PLEC: variants seen among roughly 807,000 people sequenced by gnomAD.
PLEC encodes plectin, also known as hemidesmosomal protein 1.
In PLEC, 216 loss-of-function variants were observed where a neutral mutation model predicts 392.8. That is an observed-to-expected ratio of 0.55 (90% CI 0.49 to 0.62). The LOEUF is 0.62. PLEC is among the 20% of genes least tolerant of loss of function. PLEC has a pLI of 0.00. For synonymous variants in PLEC, 3,621 were observed against 2,980.6 expected, an observed-to-expected ratio of 1.21 and a Z score of -7.00; for missense variants, 6,863 against 6,563.4, an observed-to-expected ratio of 1.05 and a Z score of -1.58.
upstream of PLEC, among the ~76,000 whole-genome samples, chr8:143,974,132 C>T (rs1458925738): frequency 6.6e-6 from 1 of 152,210 alleles, no homozygotes; most frequent in Non-Finnish European, 1.5e-5. This position sits in a 1 kb window ranked among gnomAD's most constrained non-coding sequence, Gnocchi z 5.9. Context: ...AAGCTTAATG[C>T]CATATGTCCT....
chr8:143,927,706 G>C lies in PLEC; in HGVS notation c.3460C>G (p.Arg1154Gly). 1 of 1,586,828 alleles carries C rather than the reference G, an allele frequency of 6.3e-7. No homozygotes were observed. The highest frequency in any genetic ancestry group is 8.6e-7 in the Non-Finnish European group (1 of 1,165,388). ...CGCTCCCCCACCTCCTGTGCCCCCC[G>C]CAGCTCATCCCGCAGGGCGTCGAAC... Reference protein sequence around the residue: ...PTFDALRDELRGAQEVGERLQ... With the variant: ...PTFDALRDELGGAQEVGERLQ... The change falls in exon 27 of 32, where the codon CGG becomes GGG. Residue 1154 changes from arginine (R) to glycine (G), a missense_variant. Coordinates refer to ENST00000345136, the MANE Select transcript of PLEC (RefSeq NM_201384.3).
Position 143,917,151 on chromosome 8 carries a change from C to T in PLEC, c.12670G>A (p.Ala4224Thr), listed in dbSNP as rs781292412. The T allele has an allele frequency of 3.2e-5, 51 of 1,607,434 alleles. No individual in the cohort carries two copies. Among genetic ancestry groups the T allele is most frequent in the Middle Eastern group, 1.6e-4 (1 of 6,074 alleles). ...IDRSALDQYR[A>T]GTLSITEFAD... ...AACTCGGTGATGGAGAGCGTGCCGG[C>T]GCGGTACTGGTCCAGTGCCGAGCGG... Residue 4224 changes from alanine (A) to threonine (T), a missense_variant, in exon 32 of 32, where the codon GCC (alanine) becomes ACC (threonine). Coordinates refer to ENST00000345136, the MANE Select transcript of PLEC (RefSeq NM_201384.3).
rs551414548 is a variant in PLEC, at chr8:143,950,038, G to A, written c.523+146C>T. 8.5e-5 allele frequency: 94 copies of A among 1,099,738 alleles called. No homozygotes were observed. In the African/African-American group the frequency reaches 1.2e-3, roughly 14 times the overall value. The allele number at this position is 1,099,738 out of a possible 1,614,324, so 68.1% of individuals were successfully genotyped here. On this transcript the variant is annotated intron_variant, in intron 1 of 31. Transcript: ENST00000322810. ...CAGCAAGCGCACCCCCTGACCCTCGGCTAGGGGGGGCCACCTGCTGGTGTG... is the reference window on the plus strand; with the variant it reads ...CAGCAAGCGCACCCCCTGACCCTCGACTAGGGGGGGCCACCTGCTGGTGTG...
Position 143,916,843 on chromosome 8 carries a change from G to A in PLEC, c.12978C>T (p.Thr4326=), listed in dbSNP as rs781832846. The A allele has an allele frequency of 6.9e-5, 111 of 1,612,806 alleles. No homozygotes were observed. Among genetic ancestry groups the A allele is most frequent in the South Asian group, 2.5e-4 (23 of 91,088 alleles). The change falls in exon 32 of 32, where the codon ACC becomes ACT. Residue 4326 remains threonine (T), a synonymous_variant. Transcript: ENST00000345136. ...CGTCGGTGACAGGGAAGCGCTCACC[G>A]GTGCTGGGGTCGATGATGCCCCCGG... ...ACTGGIIDPS[T]GERFPVTDAV... is the part of the protein sequence containing the mutation.
chr8:143,953,726 C>A (rs534288071), upstream of PLEC: 1 of 1,611,858 alleles, frequency 6.2e-7, no homozygotes, highest in African/African-American at 1.3e-5. Context: ...AGGACCGCAC[C>A]TTTGAGGGAG....
rs782096341 is a variant in PLEC at position 143,919,297 on chromosome 8, G to A, written c.10524C>T (p.Asp3508=). The A allele has an allele frequency of 4.3e-6, 7 of 1,614,008 alleles. No individual in the cohort carries two copies. Among genetic ancestry groups the A allele is most frequent in the Middle Eastern group, 1.6e-4 (1 of 6,062 alleles). ...MNRVLADPSD[D]TKGFFDPNTH... is the part of the protein sequence containing the mutation. ...TGTTGGGGTCAAAGAAGCCCTTGGT[G>A]TCGTCGCTGGGGTCCGCCAGGACGC... is the stretch of plus-strand genomic sequence containing the variant. The change falls in exon 32 of 32, where the codon GAC becomes GAT. Residue 3508 remains aspartate, a synonymous_variant. Coordinates refer to ENST00000345136, the MANE Select transcript of PLEC (RefSeq NM_201384.3).
chr8:143,930,329 C>G, intron 20 of PLEC, 31 bp from the exon 21 acceptor site: 1 of 1,591,858 alleles, frequency 6.3e-7, no homozygotes, highest in Non-Finnish European at 8.5e-7. Context: ...GAGGACATGG[C>G]CACACCCTGC....
At chr8:143,942,064 G>A (rs1830559230), upstream of PLEC, among the ~76,000 whole-genome samples, 1 of 152,080 alleles carries the variant, frequency 6.6e-6, no homozygotes, top group Admixed American at 6.5e-5. Context: ...AAGGCCTGGA[G>A]CCCCGCCTTC....
In PLEC at chr8:143,938,259, C is replaced by T. The variant is rs782713936; in HGVS notation, c.175-19G>A. 1.9e-6 allele frequency: 3 copies of T among 1,577,334 alleles called. No homozygotes were observed. The highest frequency in any genetic ancestry group is 3.6e-5 in the Admixed American group (2 of 55,516). On this transcript the variant is annotated intron_variant, in intron 2 of 31. Transcript: ENST00000345136. ...TCTGGGCCTGTGGGGACAGCAGCGG[C>T]TGAGGTGGCCAGTCCCCCAGAGCCA...
chr8:143,958,550 C>G (rs1000763340), upstream of PLEC: 1 of 390,334 alleles, frequency 2.6e-6, no homozygotes, highest in Admixed American at 2.7e-5. The surrounding 1 kb of genome is among the most constrained non-coding windows in gnomAD (Gnocchi z 4.9). Flanking sequence ...TGGCCACCAC[C>G]CTTTCACCTC....
chr8:143,976,453 C>A (rs1476585943), upstream of PLEC, among the ~76,000 whole-genome samples: 1 of 152,100 alleles, frequency 6.6e-6, no homozygotes, highest in Non-Finnish European at 1.5e-5. Flanking sequence ...CCGGTTGCAG[C>A]CCCCCGCCCG....
rs1823437554 is a variant in PLEC at position 143,923,021 on chromosome 8, T to C, written c.6908A>G (p.Gln2303Arg). 1.2e-6 allele frequency: 2 copies of C among 1,611,956 alleles called. No homozygotes were observed. The highest frequency in any genetic ancestry group is 8.5e-7 in the Non-Finnish European group (1 of 1,179,732). ...LRQLAEEDLA[Q>R]QRALAEKMLK... ...CATCTTCTCTGCCAAGGCCCGCTGC[T>C]GTGCCAGGTCCTCCTCTGCCAGCTG... The change falls in exon 31 of 32, where the codon CAG becomes CGG. Residue 2303 changes from glutamine (Q) to arginine (R), a missense_variant. Gln to Arg is a conservative substitution (Grantham distance 43). Coordinates refer to ENST00000345136, the MANE Select transcript of PLEC (RefSeq NM_201384.3).
In PLEC at chr8:143,916,071, T is replaced by C; in HGVS notation, c.*106A>G. 1 of 711,768 alleles carries C rather than the reference T, an allele frequency of 1.4e-6. No homozygotes were observed. The highest frequency in any genetic ancestry group is 2.0e-5 in the South Asian group (1 of 50,956). 44.1% of individuals were successfully genotyped at this position (711,768 alleles called of 1,614,324 possible). On this transcript the variant is annotated 3_prime_UTR_variant, in exon 32 of 32. Transcript: ENST00000345136. Reference sequence around the variant, plus strand: ...TAGTCTGGTCTTTTTGGTTAAACTTTAGGCACCACTTGGGAGGAAGACACC... The same window carrying C: ...TAGTCTGGTCTTTTTGGTTAAACTTCAGGCACCACTTGGGAGGAAGACACC...
rs1564051748 is a variant in PLEC, at chr8:143,924,920, T to C, written c.5009A>G (p.Glu1670Gly). The C allele has an allele frequency of 1.9e-6, 3 of 1,584,722 alleles. No homozygotes were observed. Among genetic ancestry groups the C allele is most frequent in the Non-Finnish European group, 2.6e-6 (3 of 1,173,384 alleles). ...CTTGCCGCGCCGCCGCGCCTCGCGC[T>C]CCGCCTCCTCCTTCTGCTTCTCAGC... ...AEAEKQKEEA[E>G]REARRRGKAE... The change falls in exon 31 of 32, where the codon GAG becomes GGG. Residue 1670 changes from glutamate (E) to glycine (G), a missense_variant. Coordinates refer to ENST00000345136, the MANE Select transcript of PLEC (RefSeq NM_201384.3).
intron 24 of PLEC, 24 bp downstream of exon 24, chr8:143,929,390 T>C (rs1393632720): frequency 2.6e-6 from 4 of 1,549,438 alleles, no homozygotes; most frequent in Middle Eastern, 1.7e-4. Context: ...GGGATGGGAC[T>C]GGATGGGGGG....
chr8:143,929,905 C>A (rs1564103737), intron 22 of PLEC, 31 bp downstream of exon 22: 1 of 1,605,780 alleles, frequency 6.2e-7, no homozygotes, highest in Admixed American at 1.7e-5. Context: ...TCCTCCCACC[C>A]AGAGAGCCCC....
rs906243316 is a variant in PLEC at position 143,920,699 on chromosome 8, T to C, written c.9122A>G (p.Tyr3041Cys). 3.1e-6 allele frequency: 5 copies of C among 1,602,804 alleles called. No individual in the cohort carries two copies. The South Asian group carries it at 3.3e-5, about 11-fold the overall frequency. Residue 3041 changes from tyrosine to cysteine, a missense_variant, in exon 32 of 32, where the codon TAC becomes TGC. Tyr to Cys is a radical substitution (Grantham distance 194). Transcript: ENST00000345136. ...CAGCAGGTCTTTCTTCAGGGCATTG[T>C]AGATACTCAGCTTCTGCCCCGCCTC... ...LEEAGQKLSI[Y>C]NALKKDLLPS...
At chr8:143,947,451 G>A (rs1251613840) in intron 1 of PLEC, among the ~76,000 whole-genome samples, 2 of 152,312 alleles carry the variant, frequency 1.3e-5, no homozygotes, top group African/African-American at 2.4e-5. Flanking sequence ...GCAAAGCATC[G>A]CCATTTGCAA....
chr8:143,957,492 C>T (rs149236572), upstream of PLEC, among the ~76,000 whole-genome samples: 528 of 152,304 alleles, frequency 3.5e-3, 3 homozygotes, highest in African/African-American at 0.012. Flanking sequence ...GGTCTCACAC[C>T]CTGGGCAAAG....
Sources: allele counts gnomAD v4.1 joint callset (sites outside exome capture counted in the v4.1 genomes callset), GRCh38; gene constraint gnomAD v4.1.1; non-coding constraint Gnocchi (gnomAD v3.1); transcripts MANE v1.5; gene names NCBI Gene and HGNC (gene_info 2026-07-23, HGNC 2026-07-21).